Variants in SNTG1 observed in about 807,000 individuals in gnomAD.
SNTG1 encodes the protein gamma-1-syntrophin.
Under a neutral mutation model 74.7 loss-of-function variants are expected in SNTG1, and 39 were observed. The observed-to-expected ratio is 0.52, with a 90% CI of 0.40 to 0.68. The LOEUF is 0.68. Ranked by LOEUF, SNTG1 falls within the 30% of genes least tolerant of loss-of-function variation. SNTG1 has a pLI of 0.00. For missense variants in SNTG1, 685 were observed against 609.5 expected (o/e 1.12, Z -1.30); for synonymous variants, 254 against 217.1 (o/e 1.17, Z -1.49).
Position 50,239,147 on chromosome 8 carries a change from G to A in SNTG1, c.-28+66512G>A, listed in dbSNP as rs146892563. ...TGCAATCACATTACTGAGTACATAA[G>A]CAAAGGAATGTAAATTGTTCTACCA... is the stretch of plus-strand genomic sequence containing the variant. On this transcript the variant is annotated intron_variant, in intron 2 of 18. Coordinates refer to ENST00000642720, the MANE Select transcript of SNTG1 (RefSeq NM_018967.5). 6.5e-3 allele frequency among the ~76,000 whole-genome samples: 996 copies of A among 152,214 alleles called. 2 individuals carry two copies. Among genetic ancestry groups the A allele is most frequent in the Non-Finnish European group, 0.011 (745 of 68,008 alleles).
At chr8:50,046,605 G>A (rs989532797) in intron 1 of SNTG1, among the ~76,000 whole-genome samples, 1 of 152,102 alleles carries the variant, frequency 6.6e-6, no homozygotes, top group Non-Finnish European at 1.5e-5. Flanking sequence ...TGGGCCAAGA[G>A]TAATCATTCA....
chr8:49,942,787 C>A (rs1808816548), intron 1 of SNTG1, among the ~76,000 whole-genome samples: 1 of 152,142 alleles, frequency 6.6e-6, no homozygotes, highest in South Asian at 2.1e-4. Context: ...TTCATTGCAT[C>A]CTGTCAACAC....
intron 1 of SNTG1, among the ~76,000 whole-genome samples, chr8:50,171,930 G>T (rs1719519699): frequency 6.6e-6 from 1 of 152,112 alleles, no homozygotes; most frequent in African/African-American, 2.4e-5. Flanking sequence ...ATTGATTAAA[G>T]TATGGTATTT....
intron 8 of SNTG1, among the ~76,000 whole-genome samples, chr8:50,481,274 G>A (rs747429481): frequency 3.9e-5 from 6 of 152,064 alleles, no homozygotes; most frequent in Admixed American, 3.3e-4. Flanking sequence ...CCAGCTACTC[G>A]GGAGGCTGAG....
At chr8:50,424,489 T>G (rs550299825) in intron 4 of SNTG1, among the ~76,000 whole-genome samples, 3 of 152,108 alleles carry the variant, frequency 2.0e-5, no homozygotes, top group African/African-American at 7.2e-5. Context: ...GTAAACACAC[T>G]GAAGAAGTCA....
intron 15 of SNTG1, among the ~76,000 whole-genome samples, chr8:50,671,331 T>A (rs2095281348): frequency 6.6e-6 from 1 of 151,350 alleles, no homozygotes; most frequent in African/African-American, 2.4e-5. Context: ...TACAATGAAC[T>A]CAAACAAATT....
intron 9 of SNTG1, among the ~76,000 whole-genome samples, chr8:50,529,146 C>G (rs1246076920): frequency 2.0e-5 from 3 of 151,762 alleles, no homozygotes; most frequent in African/African-American, 4.8e-5. Context: ...TAAGTATATA[C>G]ATTTGCTTTA....
intron 17 of SNTG1, among the ~76,000 whole-genome samples, chr8:50,725,843 T>A (rs2095498781): frequency 6.6e-6 from 1 of 152,230 alleles, no homozygotes; most frequent in South Asian, 2.1e-4. Context: ...TTGATATAAA[T>A]TTTGACCACC....
intron 8 of SNTG1, among the ~76,000 whole-genome samples, chr8:50,451,778 T>G (rs2093460191): frequency 6.6e-6 from 1 of 151,978 alleles, no homozygotes; most frequent in Non-Finnish European, 1.5e-5. Context: ...TGAAATGACA[T>G]TAAAAAAATA....
intron 1 of SNTG1, among the ~76,000 whole-genome samples, chr8:50,115,260 TGTGA>T (rs1370785346): frequency 5.9e-5 from 9 of 151,910 alleles, no homozygotes; most frequent in African/African-American, 2.2e-4. Context: ...GGTTTTACAG[TGTGA>T]GTGAGAGGGT....
At chr8:50,188,624 T>A (rs1439350276) in intron 2 of SNTG1, among the ~76,000 whole-genome samples, 1 of 152,124 alleles carries the variant, frequency 6.6e-6, no homozygotes, top group Non-Finnish European at 1.5e-5. Flanking sequence ...GTAACTTTCC[T>A]ATTCCTTCAA....
intron 1 of SNTG1, among the ~76,000 whole-genome samples, chr8:50,152,381 T>A (rs1446453668): frequency 6.6e-6 from 1 of 152,202 alleles, no homozygotes; most frequent in Non-Finnish European, 1.5e-5. Context: ...TCTGTGTCTT[T>A]TAATTGTAGC....
chr8:50,658,850 G>A (rs1049005145), intron 15 of SNTG1, among the ~76,000 whole-genome samples, 187 bp downstream of exon 15: 2 of 152,176 alleles, frequency 1.3e-5, no homozygotes, highest in African/African-American at 4.8e-5. Flanking sequence ...GAAGTGCACT[G>A]GCACTCAGCT....
chr8:50,689,707 C>G (rs1330869433), intron 15 of SNTG1, among the ~76,000 whole-genome samples: 1 of 152,240 alleles, frequency 6.6e-6, no homozygotes, highest in Non-Finnish European at 1.5e-5. Context: ...GTCTAAAATT[C>G]TCTTTTTTCG....
chr8:50,717,687 C>T (rs1381284984), intron 17 of SNTG1, among the ~76,000 whole-genome samples: 1 of 152,154 alleles, frequency 6.6e-6, no homozygotes, highest in Admixed American at 6.6e-5. Context: ...CACAGTGAGC[C>T]TCATTTTCTT....
chr8:50,676,688 A>AT lies in SNTG1; in HGVS notation c.1038+18033dup, dbSNP rs1554607997. Among the ~76,000 whole-genome samples the AT allele has an allele frequency of 2.2e-4, 33 of 151,304 alleles. No individual in the cohort carries two copies. In the South Asian group the frequency reaches 2.3e-3, roughly 11 times the overall value. On this transcript the variant is annotated intron_variant, in intron 15 of 18. Transcript: ENST00000642720. ...TTTTAAATAATGTCATTTGCACTCC[A>AT]TTTTTTTTGACAGGTGTGAGTAAAG...
At chr8:50,536,898 GATT>G in intron 11 of SNTG1, 90 bp downstream of exon 11, 2 of 1,435,542 alleles carry the variant, frequency 1.4e-6, no homozygotes, top group Admixed American at 4.3e-5. Context: ...TACGCCTTAT[GATT>G]TTAGTATGTT....
At chr8:50,086,355 T>C (rs992955166) in intron 1 of SNTG1, among the ~76,000 whole-genome samples, 1 of 152,150 alleles carries the variant, frequency 6.6e-6, no homozygotes, top group Admixed American at 6.6e-5. Flanking sequence ...GAAGCTATAA[T>C]TGAGTAAACT....
intron 2 of SNTG1, among the ~76,000 whole-genome samples, chr8:50,305,130 A>AC (rs11368486): frequency 0.06 from 9,128 of 151,838 alleles, 306 homozygotes; most frequent in South Asian, 0.075. Context: ...CAAACTCCTG[A>AC]CCTCAGGTGC....
Sources: allele counts gnomAD v4.1 joint callset (sites outside exome capture counted in the v4.1 genomes callset), GRCh38; gene constraint gnomAD v4.1.1; transcripts MANE v1.5; gene names NCBI Gene and HGNC (gene_info 2026-07-23, HGNC 2026-07-21).